SPPL3: variants seen among roughly 807,000 people sequenced by gnomAD.
The protein encoded by SPPL3 is signal peptide peptidase-like 3.
A neutral mutation model predicts 42.4 loss-of-function variants in SPPL3; 5 were observed. That is an observed-to-expected ratio of 0.12 (90% CI 0.06 to 0.25). SPPL3 has a LOEUF of 0.25. Among genes scored for constraint, SPPL3 ranks in the 10% least tolerant of loss-of-function variants. The probability of loss-of-function intolerance (pLI) is 1.00; values close to 1 mark genes in which losing one functional copy is unlikely to be tolerated. For missense variants in SPPL3, 235 were observed against 489.0 expected, an observed-to-expected ratio of 0.48 and a Z score of 4.90; for synonymous variants, 195 against 181.8, an observed-to-expected ratio of 1.07 and a Z score of -0.58.
intron 1 of SPPL3, among the ~76,000 whole-genome samples, chr12:120,831,406 T>C (rs906691111): frequency 2.0e-5 from 3 of 152,178 alleles, no homozygotes; most frequent in Non-Finnish European, 2.9e-5. Context: ...GCATGTTTCC[T>C]TTTACAAAAG....
chr12:120,783,743 G>C lies in SPPL3; in HGVS notation c.320C>G (p.Thr107Arg). Reference protein sequence around the residue: ...VFTICTAVLATIAFAFLLLPM... With the variant: ...VFTICTAVLARIAFAFLLLPM... Reference sequence around the variant, plus strand: ...GAGGAGAAGAAAAGCAAAAGCTATCGTTGCAAGAACTAGAGAAAGAAAAGG... The same window carrying C: ...GAGGAGAAGAAAAGCAAAAGCTATCCTTGCAAGAACTAGAGAAAGAAAAGG... Residue 107 changes from threonine to arginine, a missense_variant, in exon 5 of 11, where the codon ACG (threonine) becomes AGG (arginine). Coordinates refer to ENST00000353487, the MANE Select transcript of SPPL3 (RefSeq NM_139015.5). 1 of 1,613,582 alleles carries C rather than the reference G, an allele frequency of 6.2e-7. No homozygotes were observed. The highest frequency in any genetic ancestry group is 8.5e-7 in the Non-Finnish European group (1 of 1,179,710).
intron 1 of SPPL3, among the ~76,000 whole-genome samples, chr12:120,846,050 C>G: frequency 6.6e-6 from 1 of 152,124 alleles, no homozygotes; most frequent in East Asian, 1.9e-4. Context: ...GTGCATGCCA[C>G]CACGCCCAGC....
chr12:120,897,359 T>C (rs1873841889), intron 1 of SPPL3, among the ~76,000 whole-genome samples: 1 of 152,216 alleles, frequency 6.6e-6, no homozygotes, highest in African/African-American at 2.4e-5. Flanking sequence ...TGGCTAATTT[T>C]AGTTTAAATC....
intron 1 of SPPL3, among the ~76,000 whole-genome samples, chr12:120,853,477 A>G (rs868309679): frequency 4.6e-5 from 7 of 152,348 alleles, no homozygotes; most frequent in Middle Eastern, 6.8e-3. Flanking sequence ...TGTACACAAT[A>G]GTAGCAAAAC....
Position 120,873,790 on chromosome 12 carries a change from T to A in SPPL3, c.23+30055A>T, listed in dbSNP as rs111804211. On this transcript the variant is annotated intron_variant, in intron 1 of 10. Coordinates refer to ENST00000353487, the MANE Select transcript of SPPL3 (RefSeq NM_139015.5). ...AGGAGGCTGAGGCAGGACAATCACT[T>A]GAAACCGGGAGGCGGAGGTTGCAGT... Among the ~76,000 whole-genome samples, 11 of 152,110 alleles carry A rather than the reference T, an allele frequency of 7.2e-5. 1 individual carries two copies. Among genetic ancestry groups the A allele is most frequent in the African/African-American group, 2.4e-4 (10 of 41,468 alleles).
At chr12:120,826,015 C>T (rs1378883019) in intron 1 of SPPL3, among the ~76,000 whole-genome samples, 8 of 103,318 alleles carry the variant, frequency 7.7e-5, no homozygotes, top group Admixed American at 2.7e-4. Context: ...AGAGTTAGGA[C>T]GGGCGCAGTG....
At chr12:120,780,741 TA>T (rs34721813) in intron 6 of SPPL3, among the ~76,000 whole-genome samples, 2,244 of 100,890 alleles carry the variant, frequency 0.022, 41 homozygotes, top group African/African-American at 0.064. Flanking sequence ...ATACAAAAAT[TA>T]AAAAAAAAAA....
At chr12:120,823,454 C>G (rs1303537269) in intron 1 of SPPL3, among the ~76,000 whole-genome samples, 3 of 152,094 alleles carry the variant, frequency 2.0e-5, no homozygotes, top group Non-Finnish European at 4.4e-5. Context: ...TACTTGATAT[C>G]CCCGCTCCCC....
chr12:120,797,252 G>A (rs1870130527), intron 2 of SPPL3, among the ~76,000 whole-genome samples: 1 of 46,896 alleles, frequency 2.1e-5, no homozygotes, highest in Non-Finnish European at 4.7e-5. Context: ...TTTTCATTTT[G>A]CAGCTCTCTT....
intron 1 of SPPL3, among the ~76,000 whole-genome samples, chr12:120,857,595 C>T (rs1872501397): frequency 6.6e-6 from 1 of 152,164 alleles, no homozygotes; most frequent in Non-Finnish European, 1.5e-5. Flanking sequence ...CAATGCTAGA[C>T]TGGATAAAGA....
intron 1 of SPPL3, among the ~76,000 whole-genome samples, chr12:120,863,507 T>C (rs1872672674): frequency 6.6e-6 from 1 of 152,212 alleles, no homozygotes; most frequent in African/African-American, 2.4e-5. Context: ...TAATCTGTAC[T>C]ATGATATATA....
intron 1 of SPPL3, among the ~76,000 whole-genome samples, chr12:120,845,860 ATC>A (rs1325717451): frequency 3.0e-4 from 10 of 32,846 alleles, no homozygotes; most frequent in African/African-American, 1.3e-3. Context: ...AGAATCCATT[ATC>A]TATCTATCTA....
intron 6 of SPPL3, among the ~76,000 whole-genome samples, chr12:120,775,063 G>C (rs879813804): frequency 3.9e-5 from 6 of 152,160 alleles, no homozygotes; most frequent in Admixed American, 1.3e-4. Flanking sequence ...TAACCTGTAA[G>C]GTTTCTAAGC....
At chr12:120,861,590 G>C (rs1872619566) in intron 1 of SPPL3, among the ~76,000 whole-genome samples, 1 of 152,162 alleles carries the variant, frequency 6.6e-6, no homozygotes, top group South Asian at 2.1e-4. Flanking sequence ...ATACCACACA[G>C]GTCAGATGTC....
In SPPL3 at chr12:120,764,418, G is replaced by A. The variant is rs568757490; in HGVS notation, c.*581C>T. The stretch of plus-strand genomic sequence containing the variant: ...ACTCATTACAACAAATTCTTATGTG[G>A]ATGTTGTAAGAAGTCACTCAATGTC... On this transcript the variant is annotated 3_prime_UTR_variant, in exon 11 of 11. Coordinates refer to ENST00000353487, the MANE Select transcript of SPPL3 (RefSeq NM_139015.5). 1.3e-5 allele frequency: 2 copies of A among 153,766 alleles called. No individual in the cohort carries two copies. Among genetic ancestry groups the A allele is most frequent in the East Asian group, 3.8e-4 (2 of 5,214 alleles). 9.5% of individuals were successfully genotyped at this position (153,766 alleles called of 1,614,324 possible).
At chr12:120,844,820 A>G (rs933877063) in intron 1 of SPPL3, among the ~76,000 whole-genome samples, 4 of 151,860 alleles carry the variant, frequency 2.6e-5, no homozygotes, top group Admixed American at 1.3e-4. Flanking sequence ...CCACGGGCCT[A>G]CATCCCCTCT....
At chr12:120,889,193 T>C (rs1873556152) in intron 1 of SPPL3, among the ~76,000 whole-genome samples, 1 of 152,200 alleles carries the variant, frequency 6.6e-6, no homozygotes, top group Non-Finnish European at 1.5e-5. Flanking sequence ...AAGGGACTTC[T>C]ATGAAATGTG....
intron 6 of SPPL3, among the ~76,000 whole-genome samples, chr12:120,776,329 GA>G (rs1205071469): frequency 6.6e-6 from 1 of 152,138 alleles, no homozygotes; most frequent in Non-Finnish European, 1.5e-5. Context: ...GGCCACTGGG[GA>G]AAAAAGTTTG....
intron 1 of SPPL3, among the ~76,000 whole-genome samples, chr12:120,875,591 T>TG: frequency 6.7e-6 from 1 of 148,274 alleles, no homozygotes; most frequent in Non-Finnish European, 1.5e-5. Context: ...ACTGTGCCAC[T>TG]GCCCTCTAGC....
Sources: gnomAD v4.1 joint callset for allele counts (sites outside exome capture counted in the v4.1 genomes callset) on GRCh38, gnomAD v4.1.1 for gene constraint, MANE v1.5 for transcripts, NCBI Gene and HGNC (gene_info 2026-07-23, HGNC 2026-07-21) for gene names.